The following MAGI2 variants were observed in gnomAD, a reference collection of about 807,000 sequenced individuals.
MAGI2 encodes the protein membrane-associated guanylate kinase, WW and PDZ domain-containing protein 2.
In MAGI2, 35 loss-of-function variants were observed where a neutral mutation model predicts 133.3. The ratio of observed to expected loss-of-function variants is 0.26; its 90% CI spans 0.20 to 0.35. The LOEUF (loss-of-function observed/expected upper bound fraction) is 0.35, where lower values mean the gene tolerates loss of function less well. Among genes scored for constraint, MAGI2 ranks in the 10% least tolerant of loss-of-function variants. The pLI is 1.00. For missense variants in MAGI2, 1,636 were observed against 1,863.4 expected, an observed-to-expected ratio of 0.88 and a Z score of 2.25; for synonymous variants, 729 against 710.6, an observed-to-expected ratio of 1.03 and a Z score of -0.41.
chr7:78,856,629 G>C (rs564403557), intron 2 of MAGI2, among the ~76,000 whole-genome samples: 35 of 152,314 alleles, frequency 2.3e-4, no homozygotes, highest in African/African-American at 8.2e-4. Flanking sequence ...TTTGGTACCA[G>C]TACTATGCTG....
At chr7:78,829,579 A>C (rs778172128) in intron 2 of MAGI2, among the ~76,000 whole-genome samples, 15 of 152,118 alleles carry the variant, frequency 9.9e-5, no homozygotes, top group Non-Finnish European at 1.9e-4. Flanking sequence ...CCTGACACTT[A>C]TCAAAAAGCC....
At chr7:78,680,867 G>C (rs997101684) in intron 2 of MAGI2, among the ~76,000 whole-genome samples, 4 of 152,038 alleles carry the variant, frequency 2.6e-5, no homozygotes, top group Admixed American at 6.6e-5. Context: ...GAGAGGGCTG[G>C]GATAAGCACT....
intron 6 of MAGI2, chr7:78,486,276 C>A (rs2150478393): frequency 6.6e-6 from 1 of 152,066 alleles, no homozygotes; most frequent in East Asian, 1.9e-4. Context: ...AAAACCACCT[C>A]CGATTTTTGG....
chr7:78,409,802 C>T (rs189903470), intron 6 of MAGI2, among the ~76,000 whole-genome samples: 12 of 152,044 alleles, frequency 7.9e-5, no homozygotes, highest in Admixed American at 1.3e-4. Context: ...GACCCTGCCC[C>T]GACCCGAGTC....
At chr7:78,466,273 A>G (rs1790623032) in intron 6 of MAGI2, among the ~76,000 whole-genome samples, 1 of 152,204 alleles carries the variant, frequency 6.6e-6, no homozygotes, top group Non-Finnish European at 1.5e-5. Context: ...CACGGAGCAC[A>G]GTGAACTGTA....
chr7:78,865,988 T>C (rs1794524542), intron 2 of MAGI2, among the ~76,000 whole-genome samples: 1 of 152,184 alleles, frequency 6.6e-6, no homozygotes, highest in South Asian at 2.1e-4. Flanking sequence ...AATTTAACTT[T>C]TTGACAATTT....
At chr7:79,406,321 C>T (rs181722746) in intron 1 of MAGI2, among the ~76,000 whole-genome samples, 19 of 151,964 alleles carry the variant, frequency 1.3e-4, no homozygotes, top group East Asian at 5.8e-4. Flanking sequence ...ACTTATAATG[C>T]GGGTGAAGTG....
chr7:78,092,793 C>T (rs1817332407), intron 20 of MAGI2, among the ~76,000 whole-genome samples: 1 of 145,084 alleles, frequency 6.9e-6, no homozygotes, highest in Admixed American at 6.8e-5. Context: ...GGATAATCAG[C>T]CATTTCAAAA....
At chr7:78,656,020 A>G (rs996445740) in intron 2 of MAGI2, among the ~76,000 whole-genome samples, 1 of 151,804 alleles carries the variant, frequency 6.6e-6, no homozygotes, top group Admixed American at 6.6e-5. Flanking sequence ...AGGTTTGAAA[A>G]AATTGCTATT....
chr7:78,789,969 A>G (rs1827125841), intron 2 of MAGI2, among the ~76,000 whole-genome samples: 1 of 152,226 alleles, frequency 6.6e-6, no homozygotes, highest in South Asian at 2.1e-4. Flanking sequence ...TGTCAATTGC[A>G]AACAAAATAT....
chr7:79,047,501 A>G (rs118041067), intron 1 of MAGI2, among the ~76,000 whole-genome samples: 7,637 of 152,174 alleles, frequency 0.05, 253 homozygotes, highest in Non-Finnish European at 0.081. Context: ...CTTTAACAAA[A>G]CGAGAAAATG....
intron 2 of MAGI2, among the ~76,000 whole-genome samples, chr7:78,656,132 A>G (rs1454411191): frequency 6.6e-6 from 1 of 152,206 alleles, no homozygotes; most frequent in East Asian, 1.9e-4. Context: ...TAGAGTGGTC[A>G]AAAACAAGGA....
rs1584691251 is a variant in MAGI2 at position 79,017,235 on chromosome 7, T to A, written c.302-10029A>T. On this transcript the variant is annotated intron_variant, in intron 1 of 21. Coordinates refer to ENST00000354212, the MANE Select transcript of MAGI2 (RefSeq NM_012301.4). ...AACAATTCAGGCCCCTCCAGTGAGT[T>A]AGGTTCCTAACCTCCAGGGGCCACA... Among the ~76,000 whole-genome samples, 3 of 152,302 alleles carry A rather than the reference T, an allele frequency of 2.0e-5. No homozygotes were observed. In the East Asian group the frequency reaches 5.8e-4, roughly 29 times the overall value.
At chr7:78,166,958 C>T (rs917101712) in intron 15 of MAGI2, among the ~76,000 whole-genome samples, 10 of 152,074 alleles carry the variant, frequency 6.6e-5, no homozygotes, top group Non-Finnish European at 1.0e-4. Context: ...AACCTCTGGG[C>T]GTCAGTTTCT....
At chr7:78,414,364 C>T (rs1798113538) in intron 6 of MAGI2, among the ~76,000 whole-genome samples, 4 of 151,640 alleles carry the variant, frequency 2.6e-5, no homozygotes, top group Admixed American at 2.6e-4. Context: ...TTTTGTTTAA[C>T]AAAAACATGA....
At chr7:78,993,588 A>C (rs1185992631) in intron 2 of MAGI2, among the ~76,000 whole-genome samples, 1 of 152,014 alleles carries the variant, frequency 6.6e-6, no homozygotes, top group Non-Finnish European at 1.5e-5. Context: ...TGTGACATCT[A>C]GATCTTAGTT....
chr7:79,077,592 A>AAAT (rs1815630586), intron 1 of MAGI2, among the ~76,000 whole-genome samples: 2 of 126,988 alleles, frequency 1.6e-5, no homozygotes, highest in Non-Finnish European at 1.6e-5. Flanking sequence ...AAAAAAAAAA[A>AAAT]AAATAAATAA....
At chr7:79,418,511 T>C (rs1459397965) in intron 1 of MAGI2, among the ~76,000 whole-genome samples, 1 of 152,068 alleles carries the variant, frequency 6.6e-6, no homozygotes, top group African/African-American at 2.4e-5. Context: ...GACAGGAAGA[T>C]AGATTTCAGA....
In MAGI2 at chr7:79,127,262, C is replaced by T. The variant is rs553792596; in HGVS notation, c.302-120056G>A. ...TGTGAATGGTGCCACAATAAACATA[C>T]GTGTGCATGTGTCTTTATAGCACAT... On this transcript the variant is annotated intron_variant, in intron 1 of 21. Transcript: ENST00000354212. 2.6e-4 allele frequency among the ~76,000 whole-genome samples: 39 copies of T among 152,182 alleles called. No homozygotes were observed. In the East Asian group the frequency reaches 6.4e-3, roughly 25 times the overall value.
Sources: gnomAD v4.1 joint callset for allele counts (sites outside exome capture counted in the v4.1 genomes callset) on GRCh38, gnomAD v4.1.1 for gene constraint, MANE v1.5 for transcripts, NCBI Gene and HGNC (gene_info 2026-07-23, HGNC 2026-07-21) for gene names.